SLC22A24: variants seen among roughly 807,000 people sequenced by gnomAD.
The protein encoded by SLC22A24 is steroid transmembrane transporter SLC22A24.
SLC22A24 carries 53 observed loss-of-function variants against 49.8 expected under a neutral mutation model. The observed-to-expected ratio is 1.06, with a 90% CI of 0.85 to 1.34. SLC22A24 has a LOEUF of 1.34. SLC22A24 is among the 40% of genes most tolerant of loss of function. SLC22A24 has a pLI of 0.00. For synonymous variants in SLC22A24, 302 were observed against 256.4 expected (o/e 1.18, Z -1.70); for missense variants, 786 against 675.9 (o/e 1.16, Z -1.81).
intron 4 of SLC22A24, among the ~76,000 whole-genome samples, chr11:63,117,790 T>A (rs1305529565): frequency 6.6e-6 from 1 of 152,242 alleles, no homozygotes; most frequent in African/African-American, 2.4e-5. Flanking sequence ...TTTATGTTAT[T>A]GTTAAGGCTG....
chr11:63,080,908 G>T lies in SLC22A24; in HGVS notation c.1598+12C>A, dbSNP rs775526529. 1 of 1,548,974 alleles carries T rather than the reference G, an allele frequency of 6.5e-7. No homozygotes were observed. The highest frequency in any genetic ancestry group is 1.2e-5 in the South Asian group (1 of 83,922). On this transcript the variant is annotated intron_variant, in intron 9 of 9. Transcript: ENST00000612278. ...ACTCCCCACTCAAGTGACAGCTAGAGGGTTTACTCACTCATTTTCCACATC... is the reference window on the plus strand; with the variant it reads ...ACTCCCCACTCAAGTGACAGCTAGATGGTTTACTCACTCATTTTCCACATC...
chr11:63,114,516 G>A (rs1180515775), intron 4 of SLC22A24, among the ~76,000 whole-genome samples: 4 of 152,070 alleles, frequency 2.6e-5, no homozygotes, highest in South Asian at 2.1e-4. Context: ...CCTTTAGCTC[G>A]GAGAAGTTTG....
chr11:63,089,670 A>G (rs921250641), intron 6 of SLC22A24, among the ~76,000 whole-genome samples: 3 of 152,226 alleles, frequency 2.0e-5, no homozygotes, highest in Middle Eastern at 3.2e-3. Flanking sequence ...AAAGATACAC[A>G]TAGGCTCAAA....
chr11:63,080,379 A>G (rs948372639), intron 9 of SLC22A24, among the ~76,000 whole-genome samples: 3 of 152,180 alleles, frequency 2.0e-5, no homozygotes, highest in African/African-American at 4.8e-5. Flanking sequence ...AAATTTGCCT[A>G]AATCTCAGAG....
Position 63,080,931 on chromosome 11 carries a change from AT to A in SLC22A24, c.1586del (p.Asp529ValfsTer12). ...RDLPLPNTIQ[D>X]VENDRKDSRN... ...GAGGGTTTACTCACTCATTTTCCAC[AT>A]CCTGGATGGTGTTAGGAAGAGGTAG... On this transcript the variant is annotated frameshift_variant, in exon 9 of 10. Transcript: ENST00000612278. LOFTEE classifies it low-confidence loss of function (END_TRUNC). 3 of 1,551,744 alleles carry A rather than the reference AT, an allele frequency of 1.9e-6. No homozygotes were observed. The highest frequency in any genetic ancestry group is 2.6e-6 in the Non-Finnish European group (3 of 1,147,200).
chr11:63,109,661 G>C (rs1454718601), intron 4 of SLC22A24, among the ~76,000 whole-genome samples: 7 of 151,836 alleles, frequency 4.6e-5, no homozygotes, highest in Non-Finnish European at 1.0e-4. Context: ...AGAAGTGTCT[G>C]TTCATGTCCT....
chr11:63,086,278 A>C (rs1466012187), intron 6 of SLC22A24, among the ~76,000 whole-genome samples: 1 of 152,200 alleles, frequency 6.6e-6, no homozygotes, highest in African/African-American at 2.4e-5. Context: ...AAGACCTAGA[A>C]TCAACCTAAA....
chr11:63,139,698 C>T (rs1443411489), intron 1 of SLC22A24, among the ~76,000 whole-genome samples: 3 of 152,172 alleles, frequency 2.0e-5, no homozygotes, highest in African/African-American at 7.2e-5. Context: ...AAGTATTTCC[C>T]TCCTTTTAGG....
intron 1 of SLC22A24, among the ~76,000 whole-genome samples, chr11:63,134,975 T>C (rs1322619492): frequency 6.6e-6 from 1 of 152,122 alleles, no homozygotes; most frequent in East Asian, 1.9e-4. Context: ...AATGCATCTG[T>C]CTCTCTCTCA....
At chr11:63,116,566 C>G (rs2087214602) in intron 4 of SLC22A24, among the ~76,000 whole-genome samples, 2 of 152,084 alleles carry the variant, frequency 1.3e-5, no homozygotes, top group African/African-American at 4.8e-5. Context: ...TATACTGTGT[C>G]TAGGTATGGA....
intron 2 of SLC22A24, among the ~76,000 whole-genome samples, chr11:63,130,803 G>A (rs1003898525): frequency 6.6e-6 from 1 of 151,996 alleles, no homozygotes; most frequent in Non-Finnish European, 1.5e-5. Flanking sequence ...TTGTATTTCT[G>A]TGGGATCAGT....
chr11:63,143,311 C>G (rs2087428044), intron 1 of SLC22A24, 67 bp downstream of exon 1: 12 of 1,343,122 alleles, frequency 8.9e-6, no homozygotes, highest in Non-Finnish European at 9.7e-6. Flanking sequence ...TAAAGCAAGT[C>G]AATTTTTTTG....
chr11:63,121,314 A>G (rs1373184560), intron 2 of SLC22A24, among the ~76,000 whole-genome samples: 1 of 152,180 alleles, frequency 6.6e-6, no homozygotes, highest in East Asian at 1.9e-4. Context: ...CTATTAGTAA[A>G]AAAAATTCTC....
intron 4 of SLC22A24, among the ~76,000 whole-genome samples, chr11:63,110,290 T>C (rs10897359): frequency 0.79 from 120,424 of 152,086 alleles, 48,891 homozygotes; most frequent in East Asian, 0.9. Context: ...ATGATGCCTC[T>C]GGCTTTGTTC....
chr11:63,103,981 C>A (rs1228063580), intron 5 of SLC22A24, among the ~76,000 whole-genome samples, 194 bp downstream of exon 5: 1 of 152,010 alleles, frequency 6.6e-6, no homozygotes, highest in Non-Finnish European at 1.5e-5. Flanking sequence ...CAATTATATC[C>A]ACTTCTCCCA....
In SLC22A24 at chr11:63,083,428, A is replaced by T; in HGVS notation, c.1100T>A (p.Leu367Gln). The change falls in exon 7 of 10, where the codon CTG becomes CAG. Residue 367 changes from leucine to glutamine, a missense_variant. Coordinates refer to ENST00000612278, the MANE Select transcript of SLC22A24 (RefSeq NM_001136506.2). ...RFAITVPFYGLILNLQHLGSN... is the reference protein window; with the variant it reads ...RFAITVPFYGQILNLQHLGSN... ...CCCTAAGTGCTGCAAGTTGAGTATC[A>T]GGCCATAAAAGGGTACAGTGATTGC... 1.6e-5 allele frequency: 25 copies of T among 1,551,424 alleles called. No homozygotes were observed. Among genetic ancestry groups the T allele is most frequent in the Non-Finnish European group, 2.0e-5 (23 of 1,146,774 alleles).
Position 63,143,618 on chromosome 11 carries a change from C to T in SLC22A24, c.162G>A (p.Leu54=). The T allele has an allele frequency of 6.3e-7, 1 of 1,585,188 alleles. No homozygotes were observed. Among genetic ancestry groups the T allele is most frequent in the Non-Finnish European group, 8.6e-7 (1 of 1,166,616 alleles). Residue 54 remains leucine (L), a synonymous_variant, in exon 1 of 10, where the codon CTG becomes CTA. Transcript: ENST00000612278. ...CATTGTCAGACACAGTGTCATTGTCCAGGAGGGGGACCCAGCAGCGATGAC... is the reference window on the plus strand; with the variant it reads ...CATTGTCAGACACAGTGTCATTGTCTAGGAGGGGGACCCAGCAGCGATGAC... ...TPSHRCWVPL[L]DNDTVSDNDT...
intron 4 of SLC22A24, among the ~76,000 whole-genome samples, chr11:63,108,904 G>T (rs1367654211): frequency 2.1e-5 from 3 of 145,418 alleles, no homozygotes; most frequent in Non-Finnish European, 4.5e-5. Flanking sequence ...GTGCAGGTTA[G>T]TTACATATGT....
intron 4 of SLC22A24, among the ~76,000 whole-genome samples, chr11:63,105,733 T>A (rs1371413881): frequency 1.3e-5 from 2 of 152,118 alleles, no homozygotes; most frequent in East Asian, 3.9e-4. Flanking sequence ...TGCCCAAATG[T>A]CTCTGACATG....
Sources: gnomAD v4.1 joint callset for allele counts (sites outside exome capture counted in the v4.1 genomes callset) on GRCh38, gnomAD v4.1.1 for gene constraint, MANE v1.5 for transcripts, NCBI Gene and HGNC (gene_info 2026-07-23, HGNC 2026-07-21) for gene names.